CACNG3: variants seen among roughly 807,000 people sequenced by gnomAD.
CACNG3 encodes calcium voltage-gated channel auxiliary subunit gamma 3.
A neutral mutation model predicts 28.5 loss-of-function variants in CACNG3; 3 were observed. That is an observed-to-expected ratio of 0.11 (90% CI 0.05 to 0.27). The LOEUF (loss-of-function observed/expected upper bound fraction) is 0.27. Among genes scored for constraint, CACNG3 ranks in the 10% least tolerant of loss-of-function variants. CACNG3 has a pLI of 1.00. For missense variants in CACNG3, 236 were observed against 414.4 expected (o/e 0.57, Z 3.74); for synonymous variants, 174 against 162.2 (o/e 1.07, Z -0.55).
At chr16:24,264,742 T>C (rs1182004487) in intron 1 of CACNG3, among the ~76,000 whole-genome samples, 1 of 152,222 alleles carries the variant, frequency 6.6e-6, no homozygotes, top group African/African-American at 2.4e-5. Context: ...CAATTTGAAA[T>C]GTTAGACAAA....
intron 1 of CACNG3, among the ~76,000 whole-genome samples, chr16:24,296,034 G>A (rs930019617): frequency 4.6e-5 from 7 of 152,320 alleles, no homozygotes; most frequent in South Asian, 4.1e-4. Flanking sequence ...CTCTAAGGAG[G>A]AGGACAATTT....
intron 1 of CACNG3, among the ~76,000 whole-genome samples, chr16:24,306,352 C>T (rs964605367): frequency 6.6e-6 from 1 of 152,174 alleles, no homozygotes; most frequent in Non-Finnish European, 1.5e-5. Flanking sequence ...AAAGGCTGAA[C>T]GGTGGCTTCA....
At chr16:24,350,301 T>C (rs572617477) in intron 2 of CACNG3, among the ~76,000 whole-genome samples, 14 of 151,946 alleles carry the variant, frequency 9.2e-5, no homozygotes, top group East Asian at 1.9e-4. Context: ...CCTATCCACA[T>C]GTTTCAAACA....
chr16:24,341,165 G>A (rs1419691792), intron 1 of CACNG3, among the ~76,000 whole-genome samples: 1 of 152,226 alleles, frequency 6.6e-6, no homozygotes, highest in Non-Finnish European at 1.5e-5. Context: ...ATTTGTGTGC[G>A]AAAGCACAGG....
chr16:24,324,777 G>T (rs887298646), intron 1 of CACNG3, among the ~76,000 whole-genome samples: 3 of 151,994 alleles, frequency 2.0e-5, no homozygotes, highest in African/African-American at 7.3e-5. Context: ...GTTCCCTACT[G>T]GGTCTCTTCT....
intron 1 of CACNG3, among the ~76,000 whole-genome samples, chr16:24,300,013 T>G (rs1049968336): frequency 6.6e-6 from 1 of 152,190 alleles, no homozygotes; most frequent in African/African-American, 2.4e-5. Context: ...TATGAGGGTC[T>G]TATCATCCCT....
Position 24,323,237 on chromosome 16 carries a change from A to AG in CACNG3, c.212-23497_212-23496insG, listed in dbSNP as rs546843419. 1.5e-3 allele frequency among the ~76,000 whole-genome samples: 213 copies of AG among 143,722 alleles called. 1 individual carries two copies. The South Asian group carries it at 0.015, about 10-fold the overall frequency. The allele number at this position is 143,722 out of a possible 152,430, so 94.3% of individuals were successfully genotyped here. ...CAGGACTCAAAAAAAAAAAAAAAAA[A>AG]AAAGAGAGAGAGAGAAAGAGAGAGA... is the stretch of plus-strand genomic sequence containing the variant. On this transcript the variant is annotated intron_variant, in intron 1 of 3. Transcript: ENST00000005284.
In CACNG3 at chr16:24,283,045, T is replaced by C. The variant is rs191631269; in HGVS notation, c.211+26080T>C. On this transcript the variant is annotated intron_variant, in intron 1 of 3. Coordinates refer to ENST00000005284, the MANE Select transcript of CACNG3 (RefSeq NM_006539.4). The stretch of plus-strand genomic sequence containing the variant: ...CACCATTCCCGGGTAATTTTTTGTA[T>C]TTTTAGTAGAGACGAGTTTTCACTG... 4.5e-3 allele frequency among the ~76,000 whole-genome samples: 689 copies of C among 152,150 alleles called. 7 individuals carry two copies. The highest frequency in any genetic ancestry group is 0.015 in the African/African-American group (614 of 41,522).
At chr16:24,258,719 G>C (rs1051156259) in intron 1 of CACNG3, among the ~76,000 whole-genome samples, 1 of 152,106 alleles carries the variant, frequency 6.6e-6, no homozygotes, top group Non-Finnish European at 1.5e-5. Context: ...TGGATGTTGC[G>C]ATATCTACAT....
intron 1 of CACNG3, among the ~76,000 whole-genome samples, chr16:24,323,903 G>A (rs1241163316): frequency 6.6e-6 from 1 of 152,160 alleles, no homozygotes; most frequent in Non-Finnish European, 1.5e-5. Context: ...GATGAGCTGG[G>A]ATTACAGGTG....
At chr16:24,353,370 C>T (rs79305809) in intron 2 of CACNG3, among the ~76,000 whole-genome samples, 1 of 152,192 alleles carries the variant, frequency 6.6e-6, no homozygotes, top group Non-Finnish European at 1.5e-5. Flanking sequence ...GATGACAGGA[C>T]CCCTGGCTCC....
At chr16:24,294,338 C>T (rs954615910) in intron 1 of CACNG3, among the ~76,000 whole-genome samples, 4 of 152,198 alleles carry the variant, frequency 2.6e-5, no homozygotes, top group African/African-American at 2.4e-5. Context: ...GCAGCAGAGT[C>T]GCCTGTGCCA....
chr16:24,259,329 TG>T (rs1898509248), intron 1 of CACNG3, among the ~76,000 whole-genome samples: 1 of 152,188 alleles, frequency 6.6e-6, no homozygotes, highest in South Asian at 2.1e-4. Context: ...ATCAAGTGTT[TG>T]GGGAATTTGC....
At chr16:24,319,248 G>A (rs961683802) in intron 1 of CACNG3, among the ~76,000 whole-genome samples, 1 of 152,126 alleles carries the variant, frequency 6.6e-6, no homozygotes, top group African/African-American at 2.4e-5. Context: ...TGAACTATGC[G>A]CATATTTAGG....
intron 1 of CACNG3, among the ~76,000 whole-genome samples, chr16:24,293,127 T>G (rs765288789): frequency 2.0e-5 from 3 of 152,196 alleles, no homozygotes; most frequent in Non-Finnish European, 4.4e-5. Flanking sequence ...AGCCAAGAAG[T>G]TATTGTCCCT....
chr16:24,303,904 T>C (rs1056458956), intron 1 of CACNG3, among the ~76,000 whole-genome samples: 3 of 151,932 alleles, frequency 2.0e-5, no homozygotes, highest in Non-Finnish European at 4.4e-5. Context: ...CAAGACCCCA[T>C]CTCAAAAATA....
intron 1 of CACNG3, among the ~76,000 whole-genome samples, chr16:24,267,422 C>T (rs927283260): frequency 7.2e-5 from 11 of 152,060 alleles, no homozygotes; most frequent in African/African-American, 1.4e-4. Context: ...TGAGTAGCTG[C>T]GACTACAGGC....
At chr16:24,343,200 A>AAAC (rs921258479) in intron 1 of CACNG3, among the ~76,000 whole-genome samples, 7 of 152,022 alleles carry the variant, frequency 4.6e-5, no homozygotes, top group Non-Finnish European at 8.8e-5. Context: ...AAAAACAAAC[A>AAAC]AACAACAACA....
intron 1 of CACNG3, among the ~76,000 whole-genome samples, chr16:24,304,872 A>G (rs1899164619): frequency 6.6e-6 from 1 of 152,170 alleles, no homozygotes; most frequent in Non-Finnish European, 1.5e-5. Flanking sequence ...TGATTTCTTA[A>G]GTTTTAATCC....
Sources: gnomAD v4.1 joint callset for allele counts (sites outside exome capture counted in the v4.1 genomes callset) on GRCh38, gnomAD v4.1.1 for gene constraint, MANE v1.5 for transcripts, NCBI Gene and HGNC (gene_info 2026-07-23, HGNC 2026-07-21) for gene names.